The following MAP2 variants were observed in gnomAD, a reference collection of about 807,000 sequenced individuals.
MAP2 encodes microtubule associated protein 2, also known as microtubule-associated protein 2.
Under a neutral mutation model 137.6 loss-of-function variants are expected in MAP2, and 14 were observed. That is an observed-to-expected ratio of 0.10 (90% CI 0.07 to 0.16). The LOEUF is 0.16. MAP2 is among the 10% of genes least tolerant of loss of function. MAP2 has a pLI of 1.00. For synonymous variants in MAP2, 786 were observed against 782.3 expected, an observed-to-expected ratio of 1.00 and a Z score of -0.08; for missense variants, 2,088 against 2,191.5, an observed-to-expected ratio of 0.95 and a Z score of 0.94.
In MAP2 at chr2:209,697,026, C is replaced by G; in HGVS notation, c.4497C>G (p.Leu1499=). 1 of 1,607,544 alleles carries G rather than the reference C, an allele frequency of 6.2e-7. No homozygotes were observed. The highest frequency in any genetic ancestry group is 8.5e-7 in the Non-Finnish European group (1 of 1,178,624). The change falls in exon 10 of 16, where the codon CTC becomes CTG. Residue 1499 remains leucine (L), a synonymous_variant. Transcript: ENST00000682079. ...PAIKYTRPTH[L]SCVKRKTTAA... ...TCAAATATACTAGACCAACTCATCTCTCCTGTGTTAAGCGGAAAACCACAG... is the reference window on the plus strand; with the variant it reads ...TCAAATATACTAGACCAACTCATCTGTCCTGTGTTAAGCGGAAAACCACAG...
At chr2:209,581,565 G>A (rs2153401485) in intron 3 of MAP2, among the ~76,000 whole-genome samples, 1 of 152,128 alleles carries the variant, frequency 6.6e-6, no homozygotes, top group Admixed American at 6.6e-5. Flanking sequence ...TTCACTCAAA[G>A]TAAGTGAAAA....
At chr2:209,669,041 G>A (rs1433824548) in intron 5 of MAP2, among the ~76,000 whole-genome samples, 1 of 152,004 alleles carries the variant, frequency 6.6e-6, no homozygotes, top group Non-Finnish European at 1.5e-5. Flanking sequence ...CATTTCAGGT[G>A]CTGGTGTAAA....
intron 2 of MAP2, among the ~76,000 whole-genome samples, chr2:209,556,046 T>TC (rs1578121676): frequency 6.7e-6 from 1 of 148,194 alleles, no homozygotes; most frequent in East Asian, 1.9e-4. Context: ...TCTTTTCTTT[T>TC]TTTTTTTTTT....
chr2:209,666,425 G>A (rs1202499320), intron 5 of MAP2, among the ~76,000 whole-genome samples: 1 of 151,470 alleles, frequency 6.6e-6, no homozygotes, highest in Non-Finnish European at 1.5e-5. Context: ...GATAACAGTA[G>A]AGGATAACAG....
chr2:209,713,219 A>G (rs550544658), intron 13 of MAP2, among the ~76,000 whole-genome samples: 1 of 152,334 alleles, frequency 6.6e-6, no homozygotes, highest in African/African-American at 2.4e-5. Flanking sequence ...ATCTCTAAAA[A>G]TTGGTAGAGG....
intron 1 of MAP2, among the ~76,000 whole-genome samples, chr2:209,445,591 G>C (rs184882717): frequency 2.5e-4 from 38 of 151,694 alleles, no homozygotes; most frequent in African/African-American, 8.4e-4. Context: ...CTCTGGGCAC[G>C]TAACTAATCT....
intron 1 of MAP2, among the ~76,000 whole-genome samples, chr2:209,493,636 A>G: frequency 6.6e-6 from 1 of 152,238 alleles, no homozygotes; most frequent in African/African-American, 2.4e-5. Flanking sequence ...ATGAACAGAC[A>G]CTTCTCAAAG....
chr2:209,511,122 A>C (rs1260672958), intron 2 of MAP2, among the ~76,000 whole-genome samples: 1 of 152,062 alleles, frequency 6.6e-6, no homozygotes, highest in African/African-American at 2.4e-5. Flanking sequence ...GCTAGTGTAG[A>C]TATTTTATAA....
At position 209,648,320 on chromosome 2, in the gene MAP2, C is replaced by T. The variant is rs369276152; in HGVS notation, c.-29-4822C>T. 1.9e-4 allele frequency among the ~76,000 whole-genome samples: 29 copies of T among 152,048 alleles called. No homozygotes were observed. The East Asian group carries it at 5.0e-3, about 26-fold the overall frequency. ...TTCACCATGTTGGTCAGGCTGGTCT[C>T]GAACTCCTGACCTCATGATCCACCC... On this transcript the variant is annotated intron_variant, in intron 4 of 15. Transcript: ENST00000682079.
At chr2:209,656,015 G>A (rs565217653) in intron 5 of MAP2, among the ~76,000 whole-genome samples, 6 of 152,024 alleles carry the variant, frequency 3.9e-5, no homozygotes, top group African/African-American at 1.2e-4. Context: ...AAATGCAATC[G>A]TCATCTTCTT....
chr2:209,637,626 C>T (rs1376653835), intron 4 of MAP2, among the ~76,000 whole-genome samples: 2 of 152,226 alleles, frequency 1.3e-5, no homozygotes, highest in Admixed American at 6.5e-5. Context: ...ACCAGTAATA[C>T]TTCTAACCTA....
At chr2:209,482,778 A>G (rs1287383775) in intron 1 of MAP2, among the ~76,000 whole-genome samples, 1 of 152,194 alleles carries the variant, frequency 6.6e-6, no homozygotes, top group Non-Finnish European at 1.5e-5. Context: ...TCTACCAACT[A>G]CCTTGAATTT....
At chr2:209,691,615 A>C (rs917422436) in intron 7 of MAP2, among the ~76,000 whole-genome samples, 2 of 152,232 alleles carry the variant, frequency 1.3e-5, no homozygotes, top group South Asian at 4.1e-4. Context: ...ACAGTGAACT[A>C]CTTTGACCTT....
chr2:209,707,508 C>A (rs2063813571), intron 12 of MAP2, among the ~76,000 whole-genome samples: 2 of 152,012 alleles, frequency 1.3e-5, no homozygotes, highest in African/African-American at 4.8e-5. Context: ...TTGAAGGAAA[C>A]AATGTTGTGC....
chr2:209,535,835 A>G (rs1426060918), intron 2 of MAP2, among the ~76,000 whole-genome samples: 1 of 152,146 alleles, frequency 6.6e-6, no homozygotes, highest in East Asian at 1.9e-4. Flanking sequence ...TTTATTTATC[A>G]TTTGCTGTTC....
At chr2:209,573,419 G>A (rs1158530314) in intron 2 of MAP2, among the ~76,000 whole-genome samples, 6 of 149,764 alleles carry the variant, frequency 4.0e-5, no homozygotes, top group South Asian at 2.1e-4. Context: ...TTAGCCTCCT[G>A]AGTAGCTGGG....
intron 4 of MAP2, among the ~76,000 whole-genome samples, chr2:209,631,061 G>GAAAGCA (rs1304285259): frequency 1.7e-5 from 2 of 119,904 alleles, no homozygotes; most frequent in Non-Finnish European, 3.4e-5. Context: ...AGAATAGATG[G>GAAAGCA]AAAGCAAAAT....
rs947926692 is a variant in MAP2 at position 209,680,802 on chromosome 2, A to G, written c.429A>G (p.Ser143=). ...CTTCTCCACCCCCATCACCTGCCTC[A>G]GAACAGACTGTCACAGTGGAGGAAG... ...LPPSPPPSPA[S]EQTVTVEEDL... The change falls in exon 7 of 16, where the codon TCA becomes TCG. Residue 143 remains serine (S), a synonymous_variant. Transcript: ENST00000682079. The G allele has an allele frequency of 5.6e-6, 9 of 1,613,560 alleles. No homozygotes were observed. In the African/African-American group the frequency reaches 9.3e-5, roughly 17 times the overall value.
At chr2:209,489,001 C>G (rs531183880) in intron 1 of MAP2, among the ~76,000 whole-genome samples, 4 of 152,288 alleles carry the variant, frequency 2.6e-5, no homozygotes, top group Admixed American at 6.5e-5. Context: ...AGGGAGATAC[C>G]TCCCAGCAGG....
Sources: gnomAD v4.1 joint callset for allele counts (sites outside exome capture counted in the v4.1 genomes callset) on GRCh38, gnomAD v4.1.1 for gene constraint, MANE v1.5 for transcripts, NCBI Gene and HGNC (gene_info 2026-07-23, HGNC 2026-07-21) for gene names.